The following LRRIQ1 variants were observed in gnomAD, a reference collection of about 807,000 sequenced individuals.
LRRIQ1 encodes leucine-rich repeat- and IQ domain-containing protein 1.
A neutral mutation model predicts 211.9 loss-of-function variants in LRRIQ1; 210 were observed. That is an observed-to-expected ratio of 0.99 (90% CI 0.89 to 1.11). The LOEUF (loss-of-function observed/expected upper bound fraction) is 1.11. Ranked by LOEUF, LRRIQ1 falls within the 50% of genes most tolerant of loss-of-function variation. The probability of loss-of-function intolerance (pLI) is 0.00; values close to 1 mark genes in which losing one functional copy is unlikely to be tolerated. For synonymous variants in LRRIQ1, 699 were observed against 650.1 expected (o/e 1.08, Z -1.14); for missense variants, 2,136 against 1,939.5 (o/e 1.10, Z -1.90).
intron 24 of LRRIQ1, among the ~76,000 whole-genome samples, chr12:85,196,135 T>C (rs910105834): frequency 1.3e-4 from 20 of 151,932 alleles, no homozygotes; most frequent in Admixed American, 2.6e-4. Flanking sequence ...TGAAGGACCT[T>C]TTCAAGGAGA....
chr12:85,192,432 T>A lies in LRRIQ1; in HGVS notation c.4822+31718T>A, dbSNP rs1592946001. Among the ~76,000 whole-genome samples the A allele has an allele frequency of 2.3e-5, 3 of 131,520 alleles. No homozygotes were observed. The South Asian group carries it at 6.6e-4, about 29-fold the overall frequency. 86.3% of individuals were successfully genotyped at this position (131,520 alleles called of 152,430 possible). On this transcript the variant is annotated intron_variant, in intron 24 of 26. Transcript: ENST00000393217. ...TATAATTATATACATTTATATATATTTATATATAAATGTATATAGTTATAT... is the reference window on the plus strand; with the variant it reads ...TATAATTATATACATTTATATATATATATATATAAATGTATATAGTTATAT...
chr12:85,185,753 C>T (rs1452810138), intron 24 of LRRIQ1, among the ~76,000 whole-genome samples: 2 of 151,744 alleles, frequency 1.3e-5, no homozygotes, highest in Non-Finnish European at 2.9e-5. Context: ...AATTTTATTC[C>T]ACATACATTT....
chr12:85,151,913 A>G (rs924783625), intron 19 of LRRIQ1, among the ~76,000 whole-genome samples: 2 of 151,652 alleles, frequency 1.3e-5, no homozygotes, highest in Admixed American at 6.6e-5. Context: ...AATACTATAA[A>G]TTTTCAATAG....
chr12:85,181,394 A>AT (rs1020204694), intron 24 of LRRIQ1, among the ~76,000 whole-genome samples: 13 of 151,964 alleles, frequency 8.6e-5, no homozygotes, highest in African/African-American at 3.1e-4. Flanking sequence ...ATTTTTAACA[A>AT]TTTTGAGGCA....
intron 15 of LRRIQ1, 72 bp downstream of exon 15, chr12:85,106,687 C>G: frequency 2.0e-6 from 2 of 1,009,882 alleles, no homozygotes; most frequent in South Asian, 2.9e-5. Context: ...TAAAAATTGT[C>G]CTGTGAATAA....
At chr12:85,185,307 T>C (rs757282988) in intron 24 of LRRIQ1, among the ~76,000 whole-genome samples, 38 of 152,000 alleles carry the variant, frequency 2.5e-4, no homozygotes, top group Non-Finnish European at 4.3e-4. Flanking sequence ...ATCATGGAAA[T>C]GTGTATATGT....
At chr12:85,229,079 A>G (rs1310349673) in intron 24 of LRRIQ1, among the ~76,000 whole-genome samples, 1 of 152,186 alleles carries the variant, frequency 6.6e-6, no homozygotes, top group Non-Finnish European at 1.5e-5. Flanking sequence ...TTTTATGTAA[A>G]TGAAAATTCA....
chr12:85,126,533 T>G (rs1199724279), intron 17 of LRRIQ1, among the ~76,000 whole-genome samples: 1 of 152,180 alleles, frequency 6.6e-6, no homozygotes, highest in Non-Finnish European at 1.5e-5. Context: ...TGAATTATAT[T>G]TATATCAAAA....
At chr12:85,069,380 G>A (rs1189027145) in intron 10 of LRRIQ1, among the ~76,000 whole-genome samples, 1 of 151,930 alleles carries the variant, frequency 6.6e-6, no homozygotes, top group East Asian at 1.9e-4. Context: ...TTGCTATTGT[G>A]AATAGTGCCG....
rs577747532 is a variant in LRRIQ1 at position 85,073,541 on chromosome 12, C to T, written c.2887+443C>T. ...GTAAAAAAAGAAATGCTTGAATTCC[C>T]GTTTACTTCATTTTCATTGCCAGCA... On this transcript the variant is annotated intron_variant, in intron 11 of 26. Coordinates refer to ENST00000393217, the MANE Select transcript of LRRIQ1 (RefSeq NM_001079910.2). Among the ~76,000 whole-genome samples the T allele has an allele frequency of 5.3e-5, 8 of 152,094 alleles. No homozygotes were observed. In the South Asian group the frequency reaches 1.5e-3, roughly 28 times the overall value.
chr12:85,138,664 T>G (rs776887674), intron 19 of LRRIQ1, among the ~76,000 whole-genome samples: 1 of 151,480 alleles, frequency 6.6e-6, no homozygotes, highest in Non-Finnish European at 1.5e-5. Flanking sequence ...GGATGGGATA[T>G]AAATTAATAT....
At chr12:85,119,753 C>A (rs543392995) in intron 15 of LRRIQ1, among the ~76,000 whole-genome samples, 12 of 152,180 alleles carry the variant, frequency 7.9e-5, no homozygotes, top group African/African-American at 2.6e-4. Flanking sequence ...TTTTAATTTT[C>A]AATTTTCTAA....
At chr12:85,244,117 T>C (rs1895604215) in intron 26 of LRRIQ1, among the ~76,000 whole-genome samples, 1 of 151,588 alleles carries the variant, frequency 6.6e-6, no homozygotes, top group Non-Finnish European at 1.5e-5. Flanking sequence ...CACTGTTTTA[T>C]AGGTAAGAAG....
intron 13 of LRRIQ1, among the ~76,000 whole-genome samples, chr12:85,102,562 TTC>T (rs1467873778): frequency 6.6e-6 from 1 of 151,754 alleles, no homozygotes; most frequent in Non-Finnish European, 1.5e-5. Flanking sequence ...TGTATCTTCT[TTC>T]TCTCTGCTAA....
At chr12:85,166,842 A>C (rs545215148) in intron 24 of LRRIQ1, among the ~76,000 whole-genome samples, 2 of 152,258 alleles carry the variant, frequency 1.3e-5, no homozygotes, top group Admixed American at 1.3e-4. Context: ...GTGATTTATC[A>C]GTATGTCAGT....
downstream of LRRIQ1, among the ~76,000 whole-genome samples, chr12:85,265,732 CAAT>C (rs558829790): frequency 2.2e-4 from 33 of 151,808 alleles, no homozygotes; most frequent in Admixed American, 9.8e-4. Context: ...CAGAATTGCC[CAAT>C]AATGTTATAT....
At chr12:85,111,492 G>A (rs1219607238) in intron 15 of LRRIQ1, among the ~76,000 whole-genome samples, 3 of 152,120 alleles carry the variant, frequency 2.0e-5, no homozygotes, top group Middle Eastern at 3.4e-3. Context: ...TTCACAAGAG[G>A]CTAGAAAAGG....
chr12:85,058,905 A>C (rs1255950052), intron 8 of LRRIQ1, among the ~76,000 whole-genome samples: 1 of 151,972 alleles, frequency 6.6e-6, no homozygotes. Context: ...CCCTTCTTAA[A>C]GCAACTATCT....
intron 24 of LRRIQ1, among the ~76,000 whole-genome samples, chr12:85,193,574 G>C: frequency 1.4e-5 from 2 of 146,846 alleles, no homozygotes; most frequent in Admixed American, 6.9e-5. Flanking sequence ...GCCAAACTAA[G>C]CTTCATAAGT....
Sources: gnomAD v4.1 joint callset for allele counts (sites outside exome capture counted in the v4.1 genomes callset) on GRCh38, gnomAD v4.1.1 for gene constraint, MANE v1.5 for transcripts, NCBI Gene and HGNC (gene_info 2026-07-23, HGNC 2026-07-21) for gene names.